RBFOX1: variants seen among roughly 807,000 people sequenced by gnomAD.
RBFOX1 encodes RNA binding protein fox-1 homolog 1.
A neutral mutation model predicts 57.7 loss-of-function variants in RBFOX1; 8 were observed. The observed-to-expected ratio is 0.14, with a 90% CI of 0.08 to 0.25. RBFOX1 has a LOEUF of 0.25. Ranked by LOEUF, RBFOX1 falls within the 10% of genes least tolerant of loss-of-function variation. The pLI is 1.00. For synonymous variants in RBFOX1, 326 were observed against 222.4 expected, an observed-to-expected ratio of 1.47 and a Z score of -4.15; for missense variants, 611 against 548.5, an observed-to-expected ratio of 1.11 and a Z score of -1.14.
intron 3 of RBFOX1, among the ~76,000 whole-genome samples, chr16:6,982,866 G>A (rs2089290831): frequency 6.6e-6 from 1 of 151,878 alleles, no homozygotes; most frequent in African/African-American, 2.4e-5. Flanking sequence ...GGTGGCGGAT[G>A]CCTGTAATCC....
At chr16:7,131,415 G>T (rs2070365952) in intron 4 of RBFOX1, among the ~76,000 whole-genome samples, 1 of 127,022 alleles carries the variant, frequency 7.9e-6, no homozygotes, top group South Asian at 2.5e-4. Flanking sequence ...GCCTACTTAT[G>T]TTTTAAGTTA....
chr16:5,261,163 C>T (rs1241051572), intron 1 of RBFOX1: 1 of 152,254 alleles, frequency 6.6e-6, no homozygotes, highest in Non-Finnish European at 1.5e-5. Flanking sequence ...AGCACGTCTA[C>T]TTCCTACAGT....
intron 3 of RBFOX1, among the ~76,000 whole-genome samples, chr16:6,786,844 T>G (rs983356507): frequency 6.6e-6 from 1 of 152,030 alleles, no homozygotes; most frequent in Non-Finnish European, 1.5e-5. Context: ...GGGAATTGAT[T>G]TGAGGATAGC....
chr16:6,756,689 A>G (rs1353502987), intron 3 of RBFOX1, among the ~76,000 whole-genome samples: 1 of 152,150 alleles, frequency 6.6e-6, no homozygotes. Context: ...GAAGATATAC[A>G]GGCCGGGCCT....
chr16:7,217,059 C>G (rs1408622727), intron 4 of RBFOX1, among the ~76,000 whole-genome samples: 3 of 120,552 alleles, frequency 2.5e-5, no homozygotes, highest in African/African-American at 1.1e-4. Context: ...CTCCCTCTCT[C>G]TCCCTCTCCT....
chr16:5,308,061 C>T (rs1053797889), intron 1 of RBFOX1, among the ~76,000 whole-genome samples: 1 of 152,100 alleles, frequency 6.6e-6, no homozygotes, highest in African/African-American at 2.4e-5. Context: ...AATAACTGGC[C>T]AGGTGTAGTG....
intron 4 of RBFOX1, among the ~76,000 whole-genome samples, chr16:7,253,123 C>G (rs1002612036): frequency 6.6e-6 from 1 of 152,158 alleles, no homozygotes; most frequent in Non-Finnish European, 1.5e-5. Flanking sequence ...CTAGGTCAAT[C>G]TGTTTGCATT....
intron 4 of RBFOX1, among the ~76,000 whole-genome samples, chr16:7,085,289 C>A (rs1304812531): frequency 6.6e-6 from 1 of 152,124 alleles, no homozygotes; most frequent in African/African-American, 2.4e-5. Context: ...GAACAGCTGC[C>A]ACTCAGCACC....
intron 4 of RBFOX1, among the ~76,000 whole-genome samples, chr16:7,122,523 C>A (rs2067416267): frequency 6.6e-6 from 1 of 151,996 alleles, no homozygotes; most frequent in South Asian, 2.1e-4. Flanking sequence ...GGATGGAATA[C>A]CATTAAACAC....
At chr16:6,071,069 C>G (rs910246686) in intron 1 of RBFOX1, among the ~76,000 whole-genome samples, 1 of 152,060 alleles carries the variant, frequency 6.6e-6, no homozygotes, top group Non-Finnish European at 1.5e-5. Context: ...ATGCCTGTAA[C>G]CCCAGCACTT....
chr16:6,240,785 T>G (rs551311401), intron 1 of RBFOX1, among the ~76,000 whole-genome samples: 75 of 152,290 alleles, frequency 4.9e-4, no homozygotes, highest in South Asian at 2.7e-3. Flanking sequence ...TTCTATTCCA[T>G]TTGGTCAGTC....
At chr16:6,719,640 G>A (rs1260736651) in intron 3 of RBFOX1, among the ~76,000 whole-genome samples, 3 of 151,584 alleles carry the variant, frequency 2.0e-5, no homozygotes, top group Admixed American at 1.3e-4. Context: ...TAGAGATGGG[G>A]TTTCACCATG....
chr16:6,421,047 A>C (rs936686762), intron 2 of RBFOX1, among the ~76,000 whole-genome samples: 5 of 152,216 alleles, frequency 3.3e-5, no homozygotes, highest in African/African-American at 1.2e-4. Context: ...ATTGCTAGGC[A>C]ATAGAAGACA....
At chr16:7,263,561 C>T (rs1362105965) in intron 4 of RBFOX1, among the ~76,000 whole-genome samples, 1 of 152,058 alleles carries the variant, frequency 6.6e-6, no homozygotes, top group Non-Finnish European at 1.5e-5. Context: ...CTGAGGACCA[C>T]AGCTCCATAA....
chr16:6,999,168 C>CTTTTT (rs1402446513), intron 3 of RBFOX1, among the ~76,000 whole-genome samples: 2 of 93,438 alleles, frequency 2.1e-5, no homozygotes, highest in Admixed American at 2.0e-4. Context: ...TGAGCCTGGC[C>CTTTTT]TTTTTATTTT....
intron 1 of RBFOX1, among the ~76,000 whole-genome samples, chr16:5,443,457 C>T (rs2068147314): frequency 6.6e-6 from 1 of 152,202 alleles, no homozygotes; most frequent in Admixed American, 6.5e-5. Flanking sequence ...CATGCCTCAG[C>T]CTTCTGAGTA....
At chr16:5,799,683 C>A (rs1223957588) in intron 3 of RBFOX1, among the ~76,000 whole-genome samples, 1 of 152,060 alleles carries the variant, frequency 6.6e-6, no homozygotes, top group Non-Finnish European at 1.5e-5. Flanking sequence ...CTGGGCCAAG[C>A]TGTGATGTTC....
At chr16:6,716,741 A>G (rs2064904828) in intron 3 of RBFOX1, among the ~76,000 whole-genome samples, 1 of 152,116 alleles carries the variant, frequency 6.6e-6, no homozygotes, top group South Asian at 2.1e-4. Context: ...AATTCTATCC[A>G]GTTATACTTG....
chr16:6,078,789 C>G (rs982378357), intron 1 of RBFOX1, among the ~76,000 whole-genome samples: 7 of 152,190 alleles, frequency 4.6e-5, no homozygotes, highest in African/African-American at 1.4e-4. Flanking sequence ...TTTCCCTAGT[C>G]TTTCATCATT....
Sources: gnomAD v4.1 joint callset for allele counts (sites outside exome capture counted in the v4.1 genomes callset) on GRCh38, gnomAD v4.1.1 for gene constraint, MANE v1.5 for transcripts, NCBI Gene and HGNC (gene_info 2026-07-23, HGNC 2026-07-21) for gene names.